Variants in PRR16 observed in about 807,000 individuals in gnomAD.
PRR16 encodes protein Largen.
PRR16 carries 6 observed loss-of-function variants against 18.2 expected under a neutral mutation model. The ratio of observed to expected loss-of-function variants is 0.33; its 90% confidence interval spans 0.18 to 0.65. The LOEUF is 0.65. PRR16 is among the 30% of genes least tolerant of loss of function. The pLI is 0.74. For synonymous variants in PRR16, 151 were observed against 147.8 expected (o/e 1.02, Z -0.16); for missense variants, 412 against 376.6 (o/e 1.09, Z -0.78).
chr5:120,473,370 A>G (rs1223919610), intron 1 of PRR16, among the ~76,000 whole-genome samples: 6 of 152,150 alleles, frequency 3.9e-5, no homozygotes, highest in Non-Finnish European at 7.4e-5. Context: ...GTGGCATAGT[A>G]TAGAAGGGTG....
At chr5:120,583,535 T>C (rs1490466575) in intron 1 of PRR16, among the ~76,000 whole-genome samples, 1 of 152,194 alleles carries the variant, frequency 6.6e-6, no homozygotes, top group Non-Finnish European at 1.5e-5. Flanking sequence ...GTATTTGTAC[T>C]GAGAAACTGG....
chr5:120,754,142 T>TATAATATATAAATAC, the PRR16 span, among the ~76,000 whole-genome samples: 4 of 39,776 alleles, frequency 1.0e-4, no homozygotes, highest in South Asian at 2.7e-3. Context: ...CCGCTTAATA[T>TATAATATATAAATAC]ATAATATATA....
intron 1 of PRR16, among the ~76,000 whole-genome samples, chr5:120,598,550 C>G (rs558331405): frequency 6.6e-6 from 1 of 151,926 alleles, no homozygotes; most frequent in African/African-American, 2.4e-5. Context: ...TATAACCCAA[C>G]AGGTAGTTTT....
the PRR16 span, among the ~76,000 whole-genome samples, chr5:120,696,146 G>T: frequency 6.6e-6 from 1 of 152,072 alleles, no homozygotes; most frequent in Non-Finnish European, 1.5e-5. Flanking sequence ...GGAGGCTGAG[G>T]CAGGAGGATA....
intron 1 of PRR16, among the ~76,000 whole-genome samples, chr5:120,637,036 T>G (rs963783040): frequency 6.6e-6 from 1 of 151,936 alleles, no homozygotes; most frequent in African/African-American, 2.4e-5. Context: ...GGAAAAATGC[T>G]CAACATCACT....
chr5:120,509,755 G>A (rs1363094239), intron 1 of PRR16, among the ~76,000 whole-genome samples: 2 of 152,138 alleles, frequency 1.3e-5, no homozygotes, highest in Non-Finnish European at 2.9e-5. Flanking sequence ...AAGTCGTCAG[G>A]TGAATATCAA....
intron 1 of PRR16, among the ~76,000 whole-genome samples, chr5:120,672,238 CTGTGTGTGTGTGTGTG>C (rs3048020): frequency 5.9e-5 from 8 of 135,112 alleles, no homozygotes; most frequent in Admixed American, 2.2e-4. Context: ...GGTGAGGGGT[CTGTGTGTGTGTGTGTG>C]TGTGTGTGTG....
At chr5:120,581,181 T>C (rs912917452) in intron 1 of PRR16, among the ~76,000 whole-genome samples, 1 of 152,206 alleles carries the variant, frequency 6.6e-6, no homozygotes, top group Non-Finnish European at 1.5e-5. Context: ...GGCTATTAAT[T>C]ACTACCTCAA....
intron 1 of PRR16, among the ~76,000 whole-genome samples, chr5:120,578,879 T>A (rs2112750110): frequency 6.6e-6 from 1 of 152,264 alleles, no homozygotes. Flanking sequence ...GTAAAAGTGT[T>A]CCTATTTCTC....
chr5:120,667,003 T>C (rs1756403673), intron 1 of PRR16, among the ~76,000 whole-genome samples: 1 of 150,076 alleles, frequency 6.7e-6, no homozygotes, highest in East Asian at 2.0e-4. Context: ...TCCCTCTTTT[T>C]CTATTGATTG....
intron 1 of PRR16, among the ~76,000 whole-genome samples, chr5:120,604,460 C>T (rs1754087399): frequency 6.6e-6 from 1 of 152,030 alleles, no homozygotes. Flanking sequence ...TGATATGGGT[C>T]TATTGAAGAC....
At chr5:120,661,351 G>T (rs958516843) in intron 1 of PRR16, among the ~76,000 whole-genome samples, 4 of 151,996 alleles carry the variant, frequency 2.6e-5, no homozygotes, top group Non-Finnish European at 4.4e-5. Context: ...TCTCCCTTGT[G>T]CTTGAATTGC....
chr5:120,697,053 T>C, the PRR16 span, among the ~76,000 whole-genome samples: 1 of 152,212 alleles, frequency 6.6e-6, no homozygotes, highest in Non-Finnish European at 1.5e-5. Flanking sequence ...ATAATATTTA[T>C]GTTGACTTTT....
intron 1 of PRR16, among the ~76,000 whole-genome samples, chr5:120,563,868 C>T (rs1752652605): frequency 6.6e-6 from 1 of 152,216 alleles, no homozygotes; most frequent in Admixed American, 6.5e-5. Flanking sequence ...GCTGGTTCAA[C>T]CCTGAAGTTG....
chr5:120,682,150 A>G (rs928496585), intron 1 of PRR16, among the ~76,000 whole-genome samples: 4 of 152,184 alleles, frequency 2.6e-5, no homozygotes, highest in Non-Finnish European at 5.9e-5. Flanking sequence ...AACAGTCTTT[A>G]AATCACTCAC....
At chr5:120,632,414 C>A (rs138418557) in intron 1 of PRR16, among the ~76,000 whole-genome samples, 27 of 152,000 alleles carry the variant, frequency 1.8e-4, no homozygotes, top group African/African-American at 6.0e-4. Flanking sequence ...TTCAGAAGGT[C>A]AATTATTGAG....
At chr5:120,554,452 G>T (rs1351123672) in intron 1 of PRR16, among the ~76,000 whole-genome samples, 1 of 151,884 alleles carries the variant, frequency 6.6e-6, no homozygotes, top group Non-Finnish European at 1.5e-5. Flanking sequence ...GGATTGTTTT[G>T]TTAATATTTA....
chr5:120,703,917 CAG>C, the PRR16 span, among the ~76,000 whole-genome samples: 1 of 152,184 alleles, frequency 6.6e-6, no homozygotes, highest in Non-Finnish European at 1.5e-5. Flanking sequence ...TCTTTGTACA[CAG>C]AGATGAAATT....
At chr5:120,504,201 T>C (rs1307711278) in intron 1 of PRR16, among the ~76,000 whole-genome samples, 1 of 152,168 alleles carries the variant, frequency 6.6e-6, no homozygotes, top group Non-Finnish European at 1.5e-5. Context: ...AGGTTCAGGC[T>C]CTTCACCCAC....
Sources: allele counts gnomAD v4.1 joint callset (sites outside exome capture counted in the v4.1 genomes callset), GRCh38; gene constraint gnomAD v4.1.1; transcripts MANE v1.5; gene names NCBI Gene and HGNC (gene_info 2026-07-23, HGNC 2026-07-21).